Variants in ANKS1B observed in about 807,000 individuals in gnomAD.
The protein encoded by ANKS1B is ankyrin repeat and sterile alpha motif domain containing 1B, also known as ankyrin repeat and sterile alpha motif domain-containing protein 1B.
Under a neutral mutation model 148.3 loss-of-function variants are expected in ANKS1B, and 36 were observed. That is an observed-to-expected ratio of 0.24 (90% CI 0.19 to 0.32). The LOEUF (loss-of-function observed/expected upper bound fraction) is 0.32, where lower values mean the gene tolerates loss of function less well. Among genes scored for constraint, ANKS1B ranks in the 10% least tolerant of loss-of-function variants. The probability of loss-of-function intolerance (pLI) is 1.00; values close to 1 mark genes in which losing one functional copy is unlikely to be tolerated. For synonymous variants in ANKS1B, 542 were observed against 560.8 expected (o/e 0.97, Z 0.47); for missense variants, 1,157 against 1,542.6 (o/e 0.75, Z 4.19).
At chr12:99,843,762 G>T (rs1393525413) in intron 1 of ANKS1B, among the ~76,000 whole-genome samples, 1 of 151,854 alleles carries the variant, frequency 6.6e-6, no homozygotes, top group Non-Finnish European at 1.5e-5. Context: ...ATTCCTTTAG[G>T]TATATACCCA....
chr12:99,051,527 A>G (rs145205721), intron 17 of ANKS1B, among the ~76,000 whole-genome samples: 1 of 152,352 alleles, frequency 6.6e-6, no homozygotes, highest in African/African-American at 2.4e-5. Flanking sequence ...AAAAATATCT[A>G]TGAGTAGCCA....
chr12:99,286,218 C>T (rs1313960572), intron 12 of ANKS1B, among the ~76,000 whole-genome samples: 2 of 151,708 alleles, frequency 1.3e-5, no homozygotes, highest in African/African-American at 2.4e-5. Flanking sequence ...AGCTAAGCCA[C>T]AGTAGGACAG....
At chr12:98,996,047 T>A (rs575788725) in intron 17 of ANKS1B, among the ~76,000 whole-genome samples, 1 of 109,126 alleles carries the variant, frequency 9.2e-6, no homozygotes, top group East Asian at 2.2e-4. Flanking sequence ...GGAACTCATC[T>A]GGGGCTGGAA....
At chr12:99,371,753 A>T (rs1313894216) in intron 12 of ANKS1B, among the ~76,000 whole-genome samples, 1 of 152,134 alleles carries the variant, frequency 6.6e-6, no homozygotes, top group African/African-American at 2.4e-5. Context: ...TTAAGCTCTA[A>T]TTATTAAGGA....
intron 9 of ANKS1B, among the ~76,000 whole-genome samples, chr12:98,737,606 G>A (rs971364309): frequency 2.0e-5 from 3 of 152,170 alleles, no homozygotes; most frequent in African/African-American, 7.2e-5. Context: ...TGAGTTCCAT[G>A]GGATGAATTT....
Position 99,327,170 on chromosome 12 carries a change from T to A in ANKS1B, c.1756+72461A>T, listed in dbSNP as rs1211072235. Among the ~76,000 whole-genome samples the A allele has an allele frequency of 5.0e-5, 6 of 119,274 alleles. No homozygotes were observed. In the East Asian group the frequency reaches 8.5e-4, roughly 17 times the overall value. The allele number at this position is 119,274 out of a possible 152,430, so 78.2% of individuals were successfully genotyped here. On this transcript the variant is annotated intron_variant, in intron 12 of 26. Transcript: ENST00000683438. ...TAATATATAATATATAATATATAATTATATTATATATTTATTATAATTATA... is the reference window on the plus strand; with the variant it reads ...TAATATATAATATATAATATATAATAATATTATATATTTATTATAATTATA...
At chr12:99,645,870 G>A (rs1241068261) in intron 9 of ANKS1B, among the ~76,000 whole-genome samples, 1 of 152,158 alleles carries the variant, frequency 6.6e-6, no homozygotes, top group Non-Finnish European at 1.5e-5. Flanking sequence ...TTCCACCGTT[G>A]TCAGTCTACT....
At position 99,166,815 on chromosome 12, in the gene ANKS1B, G is replaced by A. The variant is rs541499768; in HGVS notation, c.2420-12420C>T. Among the ~76,000 whole-genome samples the A allele has an allele frequency of 9.9e-5, 15 of 151,732 alleles. No individual in the cohort carries two copies. The South Asian group carries it at 2.5e-3, about 25-fold the overall frequency. ...GACCCAGAATAACCAAAACAACTTC[G>A]AAAAAAAGAACAAAGTTGACAAAGG... On this transcript the variant is annotated intron_variant, in intron 14 of 26. Coordinates refer to ENST00000683438, the MANE Select transcript of ANKS1B (RefSeq NM_001352186.2).
At chr12:99,829,638 G>A (rs1315565703) in intron 1 of ANKS1B, among the ~76,000 whole-genome samples, 2 of 152,124 alleles carry the variant, frequency 1.3e-5, no homozygotes, top group Non-Finnish European at 2.9e-5. Context: ...GCGAGAGCGA[G>A]ACTCCGTCTC....
intron 12 of ANKS1B, among the ~76,000 whole-genome samples, chr12:99,257,145 G>T (rs2075361568): frequency 3.3e-5 from 5 of 152,100 alleles, no homozygotes. Flanking sequence ...TCCGGAGGCT[G>T]AGGCAGGAGA....
At chr12:99,866,896 T>C (rs1355663109) in intron 1 of ANKS1B, among the ~76,000 whole-genome samples, 3 of 152,166 alleles carry the variant, frequency 2.0e-5, no homozygotes, top group African/African-American at 4.8e-5. Context: ...AACATCTCCA[T>C]TGATTTATTT....
At chr12:99,514,382 T>C (rs2096795280) in intron 9 of ANKS1B, among the ~76,000 whole-genome samples, 1 of 151,978 alleles carries the variant, frequency 6.6e-6, no homozygotes, top group Non-Finnish European at 1.5e-5. Flanking sequence ...CCAAAAACAA[T>C]CACAGATTCA....
rs543525560 is a variant in ANKS1B, at chr12:99,674,690, C to T, written c.1129-19480G>A. Among the ~76,000 whole-genome samples, 10 of 151,660 alleles carry T rather than the reference C, an allele frequency of 6.6e-5. No homozygotes were observed. In the South Asian group the frequency reaches 8.3e-4, roughly 13 times the overall value. ...AACAAAACATGCGAATTGAAGTCTT[C>T]TGTGGGAAAAAATAGGCATTTTCTT... On this transcript the variant is annotated intron_variant, in intron 8 of 26. Coordinates refer to ENST00000683438, the MANE Select transcript of ANKS1B (RefSeq NM_001352186.2).
chr12:99,200,992 A>C lies in ANKS1B; in HGVS notation c.2419+43350T>G, dbSNP rs144125590. Among the ~76,000 whole-genome samples the C allele has an allele frequency of 8.7e-3, 1,318 of 152,298 alleles. 23 individuals carry two copies. Among genetic ancestry groups the C allele is most frequent in the African/African-American group, 0.03 (1,264 of 41,548 alleles). Reference sequence around the variant, plus strand: ...AGAAGACATCTGAAAGAAAGTGGAGACACAGGCTACCTGGAGGAAGCATGT... The same window carrying C: ...AGAAGACATCTGAAAGAAAGTGGAGCCACAGGCTACCTGGAGGAAGCATGT... On this transcript the variant is annotated intron_variant, in intron 14 of 26. Transcript: ENST00000683438.
chr12:98,882,752 T>C (rs532881139), intron 17 of ANKS1B, among the ~76,000 whole-genome samples: 104 of 142,130 alleles, frequency 7.3e-4, no homozygotes, highest in African/African-American at 2.4e-3. Context: ...ACTGCCATAC[T>C]GCAAAAAAAA....
At chr12:99,962,810 CTTTTTTTTTTT>C (rs1010885602) in intron 1 of ANKS1B, among the ~76,000 whole-genome samples, 2 of 120,716 alleles carry the variant, frequency 1.7e-5, no homozygotes, top group Non-Finnish European at 3.5e-5. Flanking sequence ...TGATGTTGAG[CTTTTTTTTTTT>C]TTTTTTTTTT....
chr12:99,890,190 C>T (rs2093023490), intron 1 of ANKS1B, among the ~76,000 whole-genome samples: 1 of 152,030 alleles, frequency 6.6e-6, no homozygotes, highest in Non-Finnish European at 1.5e-5. Flanking sequence ...GCTATGGTGC[C>T]CAGTTGTTTG....
intron 9 of ANKS1B, among the ~76,000 whole-genome samples, chr12:99,544,726 G>A (rs2097157164): frequency 6.6e-6 from 1 of 152,090 alleles, no homozygotes; most frequent in Non-Finnish European, 1.5e-5. Flanking sequence ...CTGTGCATGT[G>A]GAACATCTGT....
Position 98,834,439 on chromosome 12 carries a change from C to T in ANKS1B, c.2779-2303G>A, listed in dbSNP as rs143614568. ...GCCTTTTAGCTGCAGTAGGAATAAC[C>T]AGGGACAAAAGTATACACTGACTAT... is the stretch of plus-strand genomic sequence containing the variant. On this transcript the variant is annotated intron_variant, in intron 17 of 26. Transcript: ENST00000683438. Among the ~76,000 whole-genome samples the T allele has an allele frequency of 2.2e-3, 336 of 152,294 alleles. 4 individuals are homozygous for T. The highest frequency in any genetic ancestry group is 2.0e-3 in the Non-Finnish European group (134 of 68,030).
Sources: allele counts gnomAD v4.1 joint callset (sites outside exome capture counted in the v4.1 genomes callset), GRCh38; gene constraint gnomAD v4.1.1; transcripts MANE v1.5; gene names NCBI Gene and HGNC (gene_info 2026-07-23, HGNC 2026-07-21).